Variants in THSD7B observed in about 807,000 individuals in gnomAD.
THSD7B encodes the protein thrombospondin type 1 domain containing 7B.
A neutral mutation model predicts 213.6 loss-of-function variants in THSD7B; 138 were observed. The observed-to-expected ratio is 0.65, with a 90% CI of 0.56 to 0.74. The LOEUF (loss-of-function observed/expected upper bound fraction) is 0.74, where lower values mean the gene tolerates loss of function less well. THSD7B is among the 30% of genes least tolerant of loss of function. The probability of loss-of-function intolerance (pLI) is 0.00; values close to 1 mark genes in which losing one functional copy is unlikely to be tolerated. For missense variants in THSD7B, 1,931 were observed against 1,991.5 expected, an observed-to-expected ratio of 0.97 and a Z score of 0.58; for synonymous variants, 742 against 687.0, an observed-to-expected ratio of 1.08 and a Z score of -1.25.
At chr2:136,993,988 G>C (rs1226420716) in intron 2 of THSD7B, among the ~76,000 whole-genome samples, 1 of 152,172 alleles carries the variant, frequency 6.6e-6, no homozygotes, top group Non-Finnish European at 1.5e-5. Flanking sequence ...TGTATTTTCT[G>C]AGGTTATGGT....
chr2:137,205,185 C>A lies in THSD7B; in HGVS notation c.1724-25859C>A, dbSNP rs564374554. Among the ~76,000 whole-genome samples the A allele has an allele frequency of 2.9e-3, 437 of 152,038 alleles. 4 individuals carry two copies. The highest frequency in any genetic ancestry group is 0.017 in the Middle Eastern group (5 of 294). ...GCCAGTTTTGTTGCTGGATAGAGTGCCAGTGAAGGTGAAAAAACTGTAGGT... is the reference window on the plus strand; with the variant it reads ...GCCAGTTTTGTTGCTGGATAGAGTGACAGTGAAGGTGAAAAAACTGTAGGT... On this transcript the variant is annotated intron_variant, in intron 7 of 27. Coordinates refer to ENST00000409968, the MANE Select transcript of THSD7B (RefSeq NM_001316349.2).
intron 7 of THSD7B, among the ~76,000 whole-genome samples, chr2:137,213,070 G>T (rs1681156656): frequency 6.7e-6 from 1 of 149,952 alleles, no homozygotes; most frequent in Non-Finnish European, 1.5e-5. Context: ...ACGTTGTCAG[G>T]TATGTAATAT....
chr2:137,064,633 A>G, intron 3 of THSD7B, among the ~76,000 whole-genome samples: 1 of 151,886 alleles, frequency 6.6e-6, no homozygotes, highest in East Asian at 1.9e-4. Context: ...CAGTCGTTTC[A>G]TAGTTTGAGG....
At chr2:137,223,895 CCT>C in intron 7 of THSD7B, among the ~76,000 whole-genome samples, 1 of 151,986 alleles carries the variant, frequency 6.6e-6, no homozygotes, top group Admixed American at 6.6e-5. Context: ...TGTGCAGTAT[CCT>C]CCCACCCCCG....
chr2:137,465,191 C>G (rs1242549050), intron 15 of THSD7B, among the ~76,000 whole-genome samples: 3 of 151,584 alleles, frequency 2.0e-5, no homozygotes, highest in African/African-American at 7.3e-5. Flanking sequence ...TAGGAGTAAG[C>G]AGGAGGCAGA....
At chr2:137,570,552 G>A (rs1283972602) in intron 16 of THSD7B, among the ~76,000 whole-genome samples, 1 of 152,042 alleles carries the variant, frequency 6.6e-6, no homozygotes, top group South Asian at 2.1e-4. Context: ...TGTTTTTAAT[G>A]TGTGTATAAA....
At chr2:137,204,153 A>T (rs1573884116) in intron 7 of THSD7B, among the ~76,000 whole-genome samples, 1 of 152,078 alleles carries the variant, frequency 6.6e-6, no homozygotes, top group East Asian at 1.9e-4. Context: ...GTTACATGGC[A>T]CCTGGAGTGG....
chr2:137,217,393 G>A (rs941554199), intron 7 of THSD7B, among the ~76,000 whole-genome samples: 1 of 152,144 alleles, frequency 6.6e-6, no homozygotes, highest in African/African-American at 2.4e-5. Flanking sequence ...CACTTACTGT[G>A]TACCTGTTAC....
intron 5 of THSD7B, among the ~76,000 whole-genome samples, chr2:137,138,431 T>G (rs1679512475): frequency 6.6e-6 from 1 of 152,076 alleles, no homozygotes; most frequent in South Asian, 2.1e-4. Context: ...GCTATTTGGG[T>G]GGGTGTATGG....
chr2:137,453,375 G>T (rs1687692760), intron 15 of THSD7B, among the ~76,000 whole-genome samples: 1 of 130,262 alleles, frequency 7.7e-6, no homozygotes, highest in Non-Finnish European at 1.6e-5. Context: ...TGTCTCCCAG[G>T]CCGGAGTGCA....
At chr2:137,292,022 G>T (rs1220335430) in intron 12 of THSD7B, among the ~76,000 whole-genome samples, 2 of 152,078 alleles carry the variant, frequency 1.3e-5, no homozygotes, top group African/African-American at 4.8e-5. Flanking sequence ...GGGAGCAGAG[G>T]CTGTTACTGG....
At chr2:137,676,411 T>C in intron 27 of THSD7B, 113 bp from the exon 28 acceptor site, 1 of 952,222 alleles carries the variant, frequency 1.1e-6, no homozygotes, top group Non-Finnish European at 1.6e-6. Context: ...TCTAGAGAAA[T>C]GAATCTTTTT....
chr2:137,240,906 T>C (rs1455757146), intron 9 of THSD7B, among the ~76,000 whole-genome samples: 4 of 152,202 alleles, frequency 2.6e-5, no homozygotes, highest in Non-Finnish European at 5.9e-5. Context: ...TCATCTCTTT[T>C]TCAATTCTGT....
intron 2 of THSD7B, among the ~76,000 whole-genome samples, chr2:136,955,965 C>T (rs1361000082): frequency 6.7e-6 from 1 of 149,406 alleles, no homozygotes; most frequent in South Asian, 2.1e-4. Context: ...GGAGGCAGAG[C>T]TTGCAGTGAG....
intron 17 of THSD7B, among the ~76,000 whole-genome samples, chr2:137,604,679 T>C (rs991809310): frequency 7.9e-5 from 12 of 152,234 alleles, no homozygotes; most frequent in Admixed American, 2.0e-4. Context: ...TGAGTCATAC[T>C]GGGCATAGTG....
chr2:137,584,117 A>G (rs1029635734), intron 17 of THSD7B, among the ~76,000 whole-genome samples: 1 of 152,082 alleles, frequency 6.6e-6, no homozygotes, highest in African/African-American at 2.4e-5. Flanking sequence ...ATGGGAATTC[A>G]CTCATGATTT....
chr2:137,180,830 T>C (rs1680439568), intron 7 of THSD7B, among the ~76,000 whole-genome samples: 1 of 152,186 alleles, frequency 6.6e-6, no homozygotes, highest in Non-Finnish European at 1.5e-5. Context: ...TAACTTTCAA[T>C]AGTTAAGATG....
chr2:137,676,376 A>G (rs35368232), intron 27 of THSD7B, 148 bp from the exon 28 acceptor site: 13,892 of 671,048 alleles, frequency 0.021, 183 homozygotes, highest in Admixed American at 0.046. Flanking sequence ...AAAGCATTCA[A>G]TATTCACAAA....
At chr2:137,181,674 G>T (rs1266968548) in intron 7 of THSD7B, among the ~76,000 whole-genome samples, 2 of 152,084 alleles carry the variant, frequency 1.3e-5, no homozygotes, top group African/African-American at 4.8e-5. Context: ...TGCCACTTTG[G>T]ACAGGACAAT....
Sources: allele counts gnomAD v4.1 joint callset (sites outside exome capture counted in the v4.1 genomes callset), GRCh38; gene constraint gnomAD v4.1.1; transcripts MANE v1.5; gene names NCBI Gene and HGNC (gene_info 2026-07-23, HGNC 2026-07-21).